GOT2: variants seen among roughly 807,000 people sequenced by gnomAD.
GOT2 encodes aspartate aminotransferase, mitochondrial.
Under a neutral mutation model 50.0 loss-of-function variants are expected in GOT2, and 17 were observed. The observed-to-expected ratio is 0.34, with a 90% CI of 0.23 to 0.51. GOT2 has a LOEUF of 0.51. Ranked by LOEUF, GOT2 falls within the 20% of genes least tolerant of loss-of-function variation. The pLI is 0.97. For missense variants in GOT2, 430 were observed against 559.6 expected (o/e 0.77, Z 2.34); for synonymous variants, 172 against 204.9 (o/e 0.84, Z 1.37).
chr16:58,728,288 C>T (rs2044803762), intron 1 of GOT2, among the ~76,000 whole-genome samples: 1 of 152,144 alleles, frequency 6.6e-6, no homozygotes, highest in Admixed American at 6.5e-5. Flanking sequence ...AGCCACCTGC[C>T]AGCTGTGTGA....
chr16:58,716,244 G>A, intron 7 of GOT2, 65 bp from the exon 8 acceptor site: 1 of 1,422,134 alleles, frequency 7.0e-7, no homozygotes, highest in Non-Finnish European at 9.8e-7. Flanking sequence ...CAAATCATGA[G>A]TGTATTTGCT....
intron 8 of GOT2, 119 bp from the exon 9 acceptor site, chr16:58,709,686 G>T: frequency 1.4e-6 from 1 of 703,450 alleles, no homozygotes; most frequent in South Asian, 2.5e-5. Context: ...CTCAGGTCAC[G>T]AATGAGTGAC....
At chr16:58,726,408 A>ACTCC (rs2044783786) in intron 1 of GOT2, among the ~76,000 whole-genome samples, 1 of 150,784 alleles carries the variant, frequency 6.6e-6, no homozygotes, top group East Asian at 2.0e-4. Context: ...CTGGTCTTGA[A>ACTCC]CTCCTGACCT....
At chr16:58,727,380 T>TTA (rs2044796146) in intron 1 of GOT2, among the ~76,000 whole-genome samples, 5 of 151,132 alleles carry the variant, frequency 3.3e-5, no homozygotes, top group South Asian at 2.1e-4. Context: ...TTTTTTTTTT[T>TTA]AAAAAAAGAA....
At chr16:58,732,549 C>T (rs957861413) in intron 1 of GOT2, among the ~76,000 whole-genome samples, 1 of 152,016 alleles carries the variant, frequency 6.6e-6, no homozygotes, top group African/African-American at 2.4e-5. Flanking sequence ...TAAAAATATC[C>T]AATATAAGAG....
intron 6 of GOT2, among the ~76,000 whole-genome samples, chr16:58,717,289 A>C (rs2044701952): frequency 6.6e-6 from 1 of 151,870 alleles, no homozygotes; most frequent in African/African-American, 2.4e-5. Flanking sequence ...AGGTAGGAGG[A>C]TTGTTTGAGC....
rs1377466574 is a variant in GOT2, at chr16:58,708,266, T to A, written c.1198A>T (p.Ile400Phe). Reference protein sequence around the residue: ...QVERLIKEFSIYMTKDGRISV... With the variant: ...QVERLIKEFSFYMTKDGRISV... Reference sequence around the variant, plus strand: ...ATGCGGCCATCTTTTGTCATGTAGATGGAGAACTCCTTGATCAGCCGCTCC... The same window carrying A: ...ATGCGGCCATCTTTTGTCATGTAGAAGGAGAACTCCTTGATCAGCCGCTCC... Residue 400 changes from isoleucine (I) to phenylalanine (F), a missense_variant, in exon 10 of 10, where the codon ATC becomes TTC. Physicochemically the swap from Ile to Phe is conservative, Grantham distance 21. Coordinates refer to ENST00000245206, the MANE Select transcript of GOT2 (RefSeq NM_002080.4). The A allele has an allele frequency of 6.2e-7, 1 of 1,614,134 alleles. No individual in the cohort carries two copies. Among genetic ancestry groups the A allele is most frequent in the South Asian group, 1.1e-5 (1 of 91,080 alleles).
intron 1 of GOT2, among the ~76,000 whole-genome samples, chr16:58,725,084 A>G (rs2044772482): frequency 6.6e-6 from 1 of 150,412 alleles, no homozygotes; most frequent in African/African-American, 2.5e-5. Context: ...GTATTTTGTA[A>G]TATGCCAGCT....
At chr16:58,716,487 G>T in intron 7 of GOT2, 176 bp downstream of exon 7, 1 of 644,660 alleles carries the variant, frequency 1.6e-6, no homozygotes, top group Non-Finnish European at 2.6e-6. Flanking sequence ...AAGAATATAT[G>T]GCTAAGAAAA....
chr16:58,712,810 C>T (rs2044660073), intron 8 of GOT2, among the ~76,000 whole-genome samples: 1 of 152,124 alleles, frequency 6.6e-6, no homozygotes, highest in Admixed American at 6.6e-5. Flanking sequence ...TATGTCACAA[C>T]TACAGATAAC....
At chr16:58,716,868 T>C (rs1470569587) in intron 6 of GOT2, 55 bp from the exon 7 acceptor site, 1 of 1,541,874 alleles carries the variant, frequency 6.5e-7, no homozygotes, top group African/African-American at 1.4e-5. Context: ...AGGCCCCAGA[T>C]GTTTATAAAA....
At chr16:58,722,341 G>A (rs1262933142) in intron 2 of GOT2, 63 bp from the exon 3 acceptor site, 5 of 1,489,802 alleles carry the variant, frequency 3.4e-6, no homozygotes, top group Non-Finnish European at 4.6e-6. Context: ...TATGATTAAT[G>A]TTTAAAGTTT....
intron 3 of GOT2, 23 bp from the exon 4 acceptor site, chr16:58,719,278 C>G: frequency 6.4e-7 from 1 of 1,572,602 alleles, no homozygotes; most frequent in South Asian, 1.1e-5. Flanking sequence ...TACCCACGGT[C>G]AGTGATGTGC....
intron 3 of GOT2, among the ~76,000 whole-genome samples, chr16:58,719,623 C>G (rs965210042): frequency 2.6e-5 from 4 of 151,970 alleles, no homozygotes; most frequent in Admixed American, 1.3e-4. Flanking sequence ...GGCATGGTGG[C>G]GCATGCCTGT....
intron 8 of GOT2, among the ~76,000 whole-genome samples, chr16:58,714,958 C>T (rs1366633284): frequency 6.6e-6 from 1 of 151,978 alleles, no homozygotes; most frequent in Non-Finnish European, 1.5e-5. Flanking sequence ...CCACTGTGCC[C>T]AGACTTAAAT....
chr16:58,721,938 G>A (rs2044743707), intron 3 of GOT2: 1 of 407,626 alleles, frequency 2.5e-6, no homozygotes, highest in East Asian at 4.5e-5. Flanking sequence ...GTGTCACCAT[G>A]CCCGGCTAAT....
chr16:58,711,334 G>A (rs915440697), intron 8 of GOT2, among the ~76,000 whole-genome samples: 6 of 152,204 alleles, frequency 3.9e-5, no homozygotes, highest in Admixed American at 3.9e-4. Context: ...TCCTCTGACT[G>A]TGCACGGGGA....
intron 8 of GOT2, among the ~76,000 whole-genome samples, chr16:58,714,581 C>T (rs1034255406): frequency 4.0e-5 from 6 of 150,742 alleles, no homozygotes; most frequent in Non-Finnish European, 8.8e-5. Flanking sequence ...AGCTGGGTCT[C>T]GTTGTGCACA....
intron 1 of GOT2, among the ~76,000 whole-genome samples, 174 bp from the exon 2 acceptor site, chr16:58,724,076 C>T (rs781503557): frequency 2.0e-4 from 31 of 151,958 alleles, no homozygotes; most frequent in Non-Finnish European, 4.0e-4. Context: ...ACTCCAGCCT[C>T]CCAAGTAGCT....
Sources: allele counts gnomAD v4.1 joint callset (sites outside exome capture counted in the v4.1 genomes callset), GRCh38; gene constraint gnomAD v4.1.1; transcripts MANE v1.5; gene names NCBI Gene and HGNC (gene_info 2026-07-23, HGNC 2026-07-21).